The following GRAMD1B variants were observed in gnomAD, a reference collection of about 807,000 sequenced individuals.
The protein encoded by GRAMD1B is protein Aster-B.
GRAMD1B carries 37 observed loss-of-function variants against 99.7 expected under a neutral mutation model. That is an observed-to-expected ratio of 0.37 (90% confidence interval 0.29 to 0.49). The LOEUF (loss-of-function observed/expected upper bound fraction) is 0.49. GRAMD1B is among the 20% of genes least tolerant of loss of function. GRAMD1B has a pLI of 0.98. For missense variants in GRAMD1B, 888 were observed against 1,009.2 expected, an observed-to-expected ratio of 0.88 and a Z score of 1.63; for synonymous variants, 427 against 387.6, an observed-to-expected ratio of 1.10 and a Z score of -1.19.
At chr11:123,359,985 C>T (rs1946084495) in intron 1 of GRAMD1B, among the ~76,000 whole-genome samples, 1 of 152,122 alleles carries the variant, frequency 6.6e-6, no homozygotes, top group African/African-American at 2.4e-5. Context: ...CGGATCTCAG[C>T]TGGGGCTCTC....
chr11:123,607,783 G>C (rs887302127), intron 11 of GRAMD1B: 1 of 152,286 alleles, frequency 6.6e-6, no homozygotes, highest in Non-Finnish European at 1.5e-5. Flanking sequence ...ACCCACCCAT[G>C]CAGGTGCAGT....
chr11:123,445,430 A>G (rs112262291), intron 1 of GRAMD1B, among the ~76,000 whole-genome samples: 5 of 152,212 alleles, frequency 3.3e-5, no homozygotes, highest in African/African-American at 1.2e-4. Context: ...CTCCTGGAAG[A>G]GTTTGCCCTT....
At chr11:123,594,212 C>A (rs1302377946) in intron 5 of GRAMD1B, 46 bp downstream of exon 5, 3 of 1,321,982 alleles carry the variant, frequency 2.3e-6, no homozygotes, top group South Asian at 1.2e-5. Flanking sequence ...GTCTGGGGAG[C>A]CCCCGGCATA....
At chr11:123,467,394 CTTTT>C (rs11447711) in intron 1 of GRAMD1B, among the ~76,000 whole-genome samples, 4 of 103,342 alleles carry the variant, frequency 3.9e-5, no homozygotes, top group Middle Eastern at 7.4e-3. Context: ...TTTTCAACAC[CTTTT>C]TTTTTTTTTT....
chr11:123,428,594 C>A (rs1948736106), upstream of GRAMD1B, among the ~76,000 whole-genome samples: 1 of 152,200 alleles, frequency 6.6e-6, no homozygotes, highest in Non-Finnish European at 1.5e-5. Context: ...TGTCAGGATG[C>A]CTTGAGCTTT....
intron 2 of GRAMD1B, among the ~76,000 whole-genome samples, chr11:123,484,704 G>C (rs999261390): frequency 1.3e-5 from 2 of 152,104 alleles, no homozygotes; most frequent in Non-Finnish European, 2.9e-5. Flanking sequence ...ATTGGCTCTA[G>C]TATGTGTTCA....
chr11:123,560,207 G>A, intron 2 of GRAMD1B: 1 of 1,029,416 alleles, frequency 9.7e-7, no homozygotes, highest in Non-Finnish European at 1.2e-6. Context: ...GCGTGTCTGC[G>A]CGCAAGAGGG....
intron 2 of GRAMD1B, among the ~76,000 whole-genome samples, chr11:123,508,483 T>C (rs755146903): frequency 1.3e-5 from 2 of 152,206 alleles, no homozygotes; most frequent in East Asian, 1.9e-4. Context: ...TAGAAATGCA[T>C]TGTAAATTAT....
intron 7 of GRAMD1B, chr11:123,598,528 C>T: frequency 2.7e-6 from 4 of 1,501,158 alleles, no homozygotes; most frequent in Non-Finnish European, 3.7e-6. Flanking sequence ...TACTTGGTGC[C>T]CTTTGACTTG....
chr11:123,556,013 C>T (rs1011756057), intron 2 of GRAMD1B, among the ~76,000 whole-genome samples: 19 of 152,202 alleles, frequency 1.2e-4, no homozygotes, highest in Non-Finnish European at 1.8e-4. Flanking sequence ...GGATTACAGG[C>T]ATGAGCCACT....
rs755488531 is a variant in GRAMD1B at position 123,613,595 on chromosome 11, G to A, written c.2164G>A (p.Val722Met). ...AHLRVPHLEE[V>M]MSPVTTPTDE... ...CCTGCGAGTCCCTCACCTGGAAGAG[G>A]TGATGAGCCCGGTCACCACGCCCAC... is the stretch of plus-strand genomic sequence containing the variant. Residue 722 changes from valine to methionine, a missense_variant, in exon 16 of 20, where the codon GTG becomes ATG. By Grantham distance (21) the Val-to-Met change is conservative (BLOSUM62 1). Coordinates refer to ENST00000635736, the MANE Select transcript of GRAMD1B (RefSeq NM_001387025.1). The A allele has an allele frequency of 2.2e-5, 35 of 1,613,822 alleles. 1 individual carries two copies. Among genetic ancestry groups the A allele is most frequent in the Non-Finnish European group, 2.6e-5 (31 of 1,179,874 alleles).
Position 123,431,135 on chromosome 11 carries a change from G to A in GRAMD1B, c.343G>A (p.Val115Met). The A allele has an allele frequency of 1.4e-6, 1 of 702,932 alleles. No homozygotes were observed. The highest frequency in any genetic ancestry group is 2.6e-6 in the Non-Finnish European group (1 of 384,942). The allele number at this position is 702,932 out of a possible 1,614,324, so 43.5% of individuals were successfully genotyped here. The change falls in exon 1 of 20, where the codon GTG (valine) becomes ATG (methionine). Residue 115 changes from valine to methionine, a missense_variant. By Grantham distance (21) the Val-to-Met change is conservative. Transcript: ENST00000635736. ...KRFLLRKWLRVRERKECSESS... is the reference protein window; with the variant it reads ...KRFLLRKWLRMRERKECSESS... Reference sequence around the variant, plus strand: ...CTTCCTCCTCCGCAAGTGGCTGAGGGTGAGGGAGCGGAAGGAGTGCAGTGA... The same window carrying A: ...CTTCCTCCTCCGCAAGTGGCTGAGGATGAGGGAGCGGAAGGAGTGCAGTGA...
chr11:123,625,030 G>C lies in GRAMD1B; in HGVS notation c.*2435G>C, dbSNP rs1186024085. 1 of 152,162 alleles carries C rather than the reference G, an allele frequency of 6.6e-6. No individual in the cohort carries two copies. Among genetic ancestry groups the C allele is most frequent in the Admixed American group, 6.5e-5 (1 of 15,280 alleles). 9.4% of individuals were successfully genotyped at this position (152,162 alleles called of 1,614,324 possible). On this transcript the variant is annotated 3_prime_UTR_variant, in exon 20 of 20. Transcript: ENST00000635736. Reference sequence around the variant, plus strand: ...CTTTAAGAATCATGGATCTCTTGTAGGCTCTCTGTGTTCCAATAATTTTTT... The same window carrying C: ...CTTTAAGAATCATGGATCTCTTGTACGCTCTCTGTGTTCCAATAATTTTTT...
At chr11:123,367,373 A>C (rs1043079103) in intron 1 of GRAMD1B, among the ~76,000 whole-genome samples, 2 of 152,222 alleles carry the variant, frequency 1.3e-5, no homozygotes, top group African/African-American at 4.8e-5. Flanking sequence ...TGTCATAGGA[A>C]CGCCAAGTCC....
intron 1 of GRAMD1B, among the ~76,000 whole-genome samples, chr11:123,473,440 T>G (rs575050483): frequency 5.9e-5 from 9 of 152,274 alleles, no homozygotes; most frequent in African/African-American, 2.2e-4. Context: ...ATTTTTGTTT[T>G]CATTTATTTT....
intron 2 of GRAMD1B, chr11:123,525,512 G>C (rs1487048102): frequency 6.6e-6 from 1 of 152,496 alleles, no homozygotes; most frequent in Non-Finnish European, 1.5e-5. Context: ...TTCCTTCCTG[G>C]CACCACATTC....
chr11:123,506,173 G>A (rs146582003), intron 2 of GRAMD1B, among the ~76,000 whole-genome samples: 2,300 of 152,314 alleles, frequency 0.015, 27 homozygotes, highest in Middle Eastern at 0.041. Flanking sequence ...CCAGAGTGCA[G>A]CGGGGGAGGT....
At chr11:123,383,014 T>A (rs985750420) in intron 1 of GRAMD1B, among the ~76,000 whole-genome samples, 1 of 152,160 alleles carries the variant, frequency 6.6e-6, no homozygotes, top group African/African-American at 2.4e-5. Context: ...GCCAGCCTCC[T>A]GGGTCACAGA....
intron 2 of GRAMD1B, among the ~76,000 whole-genome samples, chr11:123,507,526 C>T (rs1940556254): frequency 6.6e-6 from 1 of 152,158 alleles, no homozygotes; most frequent in Admixed American, 6.5e-5. Flanking sequence ...ACACGTTCCT[C>T]TAACAGGATG....
Sources: gnomAD v4.1 joint callset for allele counts (sites outside exome capture counted in the v4.1 genomes callset) on GRCh38, gnomAD v4.1.1 for gene constraint, MANE v1.5 for transcripts, NCBI Gene and HGNC (gene_info 2026-07-23, HGNC 2026-07-21) for gene names.